PRMT8: variants seen among roughly 807,000 people sequenced by gnomAD.
The protein encoded by PRMT8 is protein arginine methyltransferase 8, also known as protein arginine N-methyltransferase 8.
In PRMT8, 7 loss-of-function variants were observed where a neutral mutation model predicts 47.1. The observed-to-expected ratio is 0.15, with a 90% CI of 0.08 to 0.28. The LOEUF is 0.28. Ranked by LOEUF, PRMT8 falls within the 10% of genes least tolerant of loss-of-function variation. The pLI, the probability that PRMT8 is intolerant of heterozygous loss-of-function variation, is 1.00. For synonymous variants in PRMT8, 188 were observed against 186.5 expected (o/e 1.01, Z -0.07); for missense variants, 237 against 505.4 (o/e 0.47, Z 5.09).
At chr12:3,529,218 G>T (rs1865990694) in intron 1 of PRMT8, among the ~76,000 whole-genome samples, 1 of 152,150 alleles carries the variant, frequency 6.6e-6, no homozygotes, top group Non-Finnish European at 1.5e-5. Flanking sequence ...GTCTGCCTGG[G>T]TTCCTGTTCT....
chr12:3,554,551 CAG>C (rs1157289378), intron 4 of PRMT8, among the ~76,000 whole-genome samples: 5 of 152,168 alleles, frequency 3.3e-5, no homozygotes, highest in African/African-American at 7.2e-5. Context: ...CACAGTGAGA[CAG>C]AGGCCGCCTG....
chr12:3,575,037 TC>T (rs887509998), intron 6 of PRMT8, among the ~76,000 whole-genome samples: 7 of 152,154 alleles, frequency 4.6e-5, no homozygotes, highest in Admixed American at 3.3e-4. Context: ...AGCAGCCTCC[TC>T]CCCACGAAGT....
chr12:3,490,673 CAAAGAGAGAG>C (rs1865374541), upstream of PRMT8, among the ~76,000 whole-genome samples: 1 of 65,172 alleles, frequency 1.5e-5, no homozygotes, highest in African/African-American at 5.3e-5. Flanking sequence ...GCTTTGGGTA[CAAAGAGAGAG>C]AGAGAGAGAG....
chr12:3,506,792 C>T (rs565841141), intron 1 of PRMT8, among the ~76,000 whole-genome samples: 1 of 152,288 alleles, frequency 6.6e-6, no homozygotes, highest in African/African-American at 2.4e-5. Flanking sequence ...AAGCCTTGCT[C>T]AATTCCTACA....
chr12:3,557,297 G>A lies in PRMT8; in HGVS notation c.481+3583G>A, dbSNP rs1866544105. 6.6e-6 allele frequency among the ~76,000 whole-genome samples: 1 copy of A among 152,208 alleles called. No individual in the cohort carries two copies. Among genetic ancestry groups the A allele is most frequent in the South Asian group, 2.1e-4 (1 of 4,832 alleles). On this transcript the variant is annotated intron_variant, in intron 4 of 9. Coordinates refer to ENST00000382622, the MANE Select transcript of PRMT8 (RefSeq NM_019854.5). This position sits in a 1 kb window ranked among gnomAD's most constrained non-coding sequence, Gnocchi z 4.7. ...TGCCGGGATCAGGGCTTTGCTGGGAGCATGCAGCAGAGGGAGGGGGAGCTG... is the reference window on the plus strand; with the variant it reads ...TGCCGGGATCAGGGCTTTGCTGGGAACATGCAGCAGAGGGAGGGGGAGCTG...
At chr12:3,478,708 C>T (rs1865242736) in intron 1 of PRMT8, among the ~76,000 whole-genome samples, 1 of 152,170 alleles carries the variant, frequency 6.6e-6, no homozygotes, top group Admixed American at 6.5e-5. Flanking sequence ...GGTATTAGCT[C>T]ATGTGGTCAC....
intron 1 of PRMT8, among the ~76,000 whole-genome samples, chr12:3,451,438 A>G (rs1177017723): frequency 6.6e-6 from 1 of 152,190 alleles, no homozygotes; most frequent in Non-Finnish European, 1.5e-5. Flanking sequence ...CGTCTAACAC[A>G]CGTTCATGTG....
chr12:3,397,522 C>T (rs569076847), intron 1 of PRMT8, among the ~76,000 whole-genome samples: 10 of 151,322 alleles, frequency 6.6e-5, no homozygotes, highest in South Asian at 4.4e-4. Context: ...TTAGGCTGCT[C>T]GGGGGTCAGG....
chr12:3,489,828 C>A (rs1179293590), upstream of PRMT8, among the ~76,000 whole-genome samples: 1 of 143,380 alleles, frequency 7.0e-6, no homozygotes, highest in South Asian at 2.2e-4. Flanking sequence ...CACACACACA[C>A]ACACACGCGC....
rs763733690 is a variant in PRMT8, at chr12:3,485,970, CATT to C, written c.49-54633_49-54631del. Among the ~76,000 whole-genome samples the C allele has an allele frequency of 5.8e-4, 89 of 152,214 alleles. 2 individuals carry two copies. Among genetic ancestry groups the C allele is most frequent in the Non-Finnish European group, 1.9e-4 (13 of 68,040 alleles). ...ACAGCTTTGTTTTACCACCTCCACT[CATT>C]ATGCGTTTTCAGGTCGGGTTGCCCT... On this transcript the variant is annotated intron_variant, in intron 1 of 9. Transcript: ENST00000452611.
In PRMT8 at chr12:3,569,336, C is replaced by G; in HGVS notation, c.625-141C>G. 2.6e-6 allele frequency: 2 copies of G among 761,430 alleles called. No individual in the cohort carries two copies. Among genetic ancestry groups the G allele is most frequent in the South Asian group, 3.1e-5 (2 of 65,248 alleles). 47.2% of individuals were successfully genotyped at this position (761,430 alleles called of 1,614,324 possible). ...TTGAGCACTGCTGTCCTAGCCCTCA[C>G]CCCAGACAAGGTGACAGTCCACTGC... On this transcript the variant is annotated intron_variant, in intron 5 of 9. Transcript: ENST00000382622. The surrounding 1 kb of genome is among the most constrained non-coding windows in gnomAD (Gnocchi z 8.2).
rs531683101 is a variant in PRMT8 at position 3,491,832 on chromosome 12, CTGTGTGTGTG to C, written c.75+180_75+189del. The C allele has an allele frequency of 5.3e-3, 2,830 of 536,226 alleles. 147 individuals carry two copies. The highest frequency in any genetic ancestry group is 0.017 in the African/African-American group (333 of 19,252). 33.2% of individuals were successfully genotyped at this position (536,226 alleles called of 1,614,324 possible). A position where few individuals can be genotyped will look rare whatever the true frequency, so the allele number is the denominator to read the frequency against. On this transcript the variant is annotated intron_variant, in intron 1 of 9. Coordinates refer to ENST00000382622, the MANE Select transcript of PRMT8 (RefSeq NM_019854.5). ...CCCGCTCGCTTCTGCCGGCCTCCTC[CTGTGTGTGTG>C]TGTGTGTGTGTGTGTGTGTGTGTGT...
At chr12:3,423,841 A>G (rs1302259094) in intron 1 of PRMT8, among the ~76,000 whole-genome samples, 2 of 152,128 alleles carry the variant, frequency 1.3e-5, no homozygotes, top group Non-Finnish European at 2.9e-5. Context: ...AAGTCATCCT[A>G]TGGGGTGAGT....
Position 3,456,001 on chromosome 12 carries a change from C to G in PRMT8, c.48+74559C>G, listed in dbSNP as rs1211506884. Among the ~76,000 whole-genome samples, 1 of 152,192 alleles carries G rather than the reference C, an allele frequency of 6.6e-6. No individual in the cohort carries two copies. Among genetic ancestry groups the G allele is most frequent in the Non-Finnish European group, 1.5e-5 (1 of 68,048 alleles). ...TAGCTGTGTGACATAGGGCAAGTCC[C>G]TTAACTTCTCTGAGCCTGCGTTCTC... On this transcript the variant is annotated intron_variant, in intron 1 of 9. Transcript: ENST00000452611. This position sits in a 1 kb window ranked among gnomAD's most constrained non-coding sequence, Gnocchi z 4.2.
At chr12:3,455,681 G>T (rs992828386) in intron 1 of PRMT8, among the ~76,000 whole-genome samples, 6 of 152,182 alleles carry the variant, frequency 3.9e-5, no homozygotes, top group African/African-American at 1.4e-4. Context: ...GAATTGGAGG[G>T]TCAGCGGGGG....
intron 1 of PRMT8, among the ~76,000 whole-genome samples, chr12:3,520,567 A>G (rs1415181690): frequency 1.3e-5 from 2 of 152,250 alleles, no homozygotes; most frequent in Non-Finnish European, 2.9e-5. Context: ...CTAAAGTTAA[A>G]CCAAACCTTA....
chr12:3,396,259 T>C (rs1433695114), intron 1 of PRMT8, among the ~76,000 whole-genome samples: 3 of 152,330 alleles, frequency 2.0e-5, no homozygotes, highest in South Asian at 4.1e-4. Flanking sequence ...GTCATTATGA[T>C]GTTAGCTGGT....
chr12:3,589,187 C>T (rs1010132721), intron 8 of PRMT8, among the ~76,000 whole-genome samples: 16 of 152,128 alleles, frequency 1.1e-4, no homozygotes, highest in Non-Finnish European at 1.9e-4. Context: ...ATTAAGGACA[C>T]GTATGCAGGT....
chr12:3,521,537 G>A (rs1865881322), intron 1 of PRMT8, among the ~76,000 whole-genome samples: 1 of 152,070 alleles, frequency 6.6e-6, no homozygotes, highest in Non-Finnish European at 1.5e-5. Flanking sequence ...TCTCACCATT[G>A]CACTCCAGCC....
Sources: allele counts gnomAD v4.1 joint callset (sites outside exome capture counted in the v4.1 genomes callset), GRCh38; gene constraint gnomAD v4.1.1; non-coding constraint Gnocchi (gnomAD v3.1); transcripts MANE v1.5; gene names NCBI Gene and HGNC (gene_info 2026-07-23, HGNC 2026-07-21).